CCSER1: variants seen among roughly 807,000 people sequenced by gnomAD.
CCSER1 encodes serine-rich coiled-coil domain-containing protein 1.
CCSER1 carries 41 observed loss-of-function variants against 82.0 expected under a neutral mutation model. The ratio of observed to expected loss-of-function variants is 0.50; its 90% CI spans 0.39 to 0.65. CCSER1 has a LOEUF of 0.65. Ranked by LOEUF, CCSER1 falls within the 30% of genes least tolerant of loss-of-function variation. The pLI is 0.00. For missense variants in CCSER1, 1,119 were observed against 1,064.2 expected, an observed-to-expected ratio of 1.05 and a Z score of -0.72; for synonymous variants, 414 against 383.9, an observed-to-expected ratio of 1.08 and a Z score of -0.92.
At chr4:90,957,837 A>G (rs1733681289) in intron 9 of CCSER1, among the ~76,000 whole-genome samples, 1 of 151,306 alleles carries the variant, frequency 6.6e-6, no homozygotes, top group African/African-American at 2.4e-5. Context: ...TCAGCCTAAC[A>G]GATTATCACA....
intron 6 of CCSER1, among the ~76,000 whole-genome samples, chr4:90,644,689 G>C (rs1047659788): frequency 1.5e-4 from 23 of 151,628 alleles, no homozygotes; most frequent in Admixed American, 1.1e-3. Flanking sequence ...TCATTATTCA[G>C]CTCCCACTTA....
rs1264014233 is a variant in CCSER1, at chr4:91,358,400, T to G, written c.2218-240172T>G. ...TTTGTGCCTGACCCACGTTGTTTTTTTTTTTTTTTTCCCGAGACAAAATAC... is the reference window on the plus strand; with the variant it reads ...TTTGTGCCTGACCCACGTTGTTTTTGTTTTTTTTTTCCCGAGACAAAATAC... On this transcript the variant is annotated intron_variant, in intron 10 of 10. Coordinates refer to ENST00000509176, the MANE Select transcript of CCSER1 (RefSeq NM_001145065.2). 2.7e-5 allele frequency among the ~76,000 whole-genome samples: 4 copies of G among 150,376 alleles called. No homozygotes were observed. In the East Asian group the frequency reaches 5.9e-4, roughly 22 times the overall value.
At chr4:90,967,998 C>T (rs1299277495) in intron 9 of CCSER1, among the ~76,000 whole-genome samples, 1 of 151,998 alleles carries the variant, frequency 6.6e-6, no homozygotes, top group Admixed American at 6.6e-5. Flanking sequence ...TCCATGATTT[C>T]TCTAACGGAG....
chr4:90,232,159 C>G (rs6845657), intron 1 of CCSER1, among the ~76,000 whole-genome samples: 3 of 151,986 alleles, frequency 2.0e-5, no homozygotes, highest in Non-Finnish European at 2.9e-5. Flanking sequence ...GAGCCCACAT[C>G]GCCAAGTCAA....
intron 8 of CCSER1, among the ~76,000 whole-genome samples, chr4:90,855,518 A>G (rs567986257): frequency 6.6e-6 from 1 of 152,312 alleles, no homozygotes; most frequent in African/African-American, 2.4e-5. Flanking sequence ...TTTAGATATT[A>G]AATCTTAGCT....
intron 10 of CCSER1, among the ~76,000 whole-genome samples, chr4:91,089,649 T>C (rs1021078375): frequency 6.6e-6 from 1 of 152,176 alleles, no homozygotes; most frequent in Non-Finnish European, 1.5e-5. Context: ...CTTTTTATCA[T>C]TTGAAGAAGT....
At chr4:91,559,906 G>A (rs2048867) in intron 10 of CCSER1, among the ~76,000 whole-genome samples, 1 of 150,924 alleles carries the variant, frequency 6.6e-6, no homozygotes, top group Non-Finnish European at 1.5e-5. Flanking sequence ...ATTGGTAAAT[G>A]TAATGAAAAA....
intron 6 of CCSER1, among the ~76,000 whole-genome samples, chr4:90,670,484 G>A (rs894604900): frequency 6.6e-6 from 1 of 151,830 alleles, no homozygotes; most frequent in Non-Finnish European, 1.5e-5. Flanking sequence ...CAAAGGGGCT[G>A]GCATTTTGTA....
At chr4:91,459,533 C>T (rs181482881) in intron 10 of CCSER1, among the ~76,000 whole-genome samples, 26 of 152,146 alleles carry the variant, frequency 1.7e-4, no homozygotes, top group African/African-American at 6.0e-4. Flanking sequence ...ATACGTGGCT[C>T]TCCAAGGTAG....
chr4:91,211,114 C>T (rs527420423), intron 10 of CCSER1, among the ~76,000 whole-genome samples: 8 of 151,940 alleles, frequency 5.3e-5, no homozygotes, highest in East Asian at 1.9e-4. Flanking sequence ...TGTTTGCAAA[C>T]GAACACGGTG....
At chr4:90,357,513 G>T (rs1390461450) in intron 3 of CCSER1, among the ~76,000 whole-genome samples, 6 of 151,890 alleles carry the variant, frequency 4.0e-5, no homozygotes, top group Non-Finnish European at 8.8e-5. Context: ...ATTGTTACAC[G>T]TCAGAGGAGA....
intron 1 of CCSER1, among the ~76,000 whole-genome samples, chr4:90,255,878 G>T (rs1723189300): frequency 6.6e-6 from 1 of 152,068 alleles, no homozygotes; most frequent in Non-Finnish European, 1.5e-5. Context: ...TGTCACAATA[G>T]GTAGGAACTT....
At chr4:90,210,207 A>G (rs1449865837) in intron 1 of CCSER1, among the ~76,000 whole-genome samples, 1 of 152,238 alleles carries the variant, frequency 6.6e-6, no homozygotes, top group Non-Finnish European at 1.5e-5. Context: ...GACCTGTATC[A>G]GCAGGCAAGT....
chr4:91,595,975 C>G (rs1367235550), intron 10 of CCSER1, among the ~76,000 whole-genome samples: 4 of 119,096 alleles, frequency 3.4e-5, no homozygotes, highest in South Asian at 2.6e-4. Context: ...AAACCAAGGG[C>G]AAAAAAACTA....
At position 91,599,121 on chromosome 4, in the gene CCSER1, C is replaced by A; in HGVS notation, c.*64C>A. 1 of 1,415,890 alleles carries A rather than the reference C, an allele frequency of 7.1e-7. No homozygotes were observed. Among genetic ancestry groups the A allele is most frequent in the South Asian group, 1.6e-5 (1 of 60,668 alleles). 87.7% of individuals were successfully genotyped at this position (1,415,890 alleles called of 1,614,324 possible). On this transcript the variant is annotated 3_prime_UTR_variant, in exon 11 of 11. Transcript: ENST00000509176. ...TGGTTAGTGTTTCTCGTGCATAGTT[C>A]ATATTAAAATTGTCATGTACTTTTT... is the stretch of plus-strand genomic sequence containing the variant.
chr4:91,126,982 G>A (rs774842453), intron 10 of CCSER1, among the ~76,000 whole-genome samples: 6 of 151,814 alleles, frequency 4.0e-5, no homozygotes, highest in Non-Finnish European at 7.4e-5. Context: ...AAGCAACAAT[G>A]TCTAAGAAAA....
At position 90,653,305 on chromosome 4, in the gene CCSER1, A is replaced by T. The variant is rs570687624; in HGVS notation, c.1932+25073A>T. On this transcript the variant is annotated intron_variant, in intron 6 of 10. Coordinates refer to ENST00000509176, the MANE Select transcript of CCSER1 (RefSeq NM_001145065.2). Reference sequence around the variant, plus strand: ...ATTTTATATGTTTGCATATTTGTATATGAGAAACACTGCGCAGTGGTATCA... The same window carrying T: ...ATTTTATATGTTTGCATATTTGTATTTGAGAAACACTGCGCAGTGGTATCA... Among the ~76,000 whole-genome samples the T allele has an allele frequency of 2.0e-5, 3 of 152,268 alleles. No individual in the cohort carries two copies. The East Asian group carries it at 5.8e-4, about 29-fold the overall frequency.
At chr4:90,190,646 A>G (rs968283453) in intron 1 of CCSER1, among the ~76,000 whole-genome samples, 3 of 152,146 alleles carry the variant, frequency 2.0e-5, no homozygotes, top group African/African-American at 7.2e-5. Flanking sequence ...ACTTGTTCCC[A>G]GACAATAGTG....
At chr4:91,520,333 G>C (rs1207563224) in intron 10 of CCSER1, among the ~76,000 whole-genome samples, 2 of 148,798 alleles carry the variant, frequency 1.3e-5, no homozygotes, top group African/African-American at 5.0e-5. Flanking sequence ...GTGTTGACCA[G>C]ATTGGCCTTG....
Sources: allele counts gnomAD v4.1 joint callset (sites outside exome capture counted in the v4.1 genomes callset), GRCh38; gene constraint gnomAD v4.1.1; transcripts MANE v1.5; gene names NCBI Gene and HGNC (gene_info 2026-07-23, HGNC 2026-07-21).